MDM1: variants seen among roughly 807,000 people sequenced by gnomAD.
The protein encoded by MDM1 is Mdm1 nuclear protein.
A neutral mutation model predicts 89.1 loss-of-function variants in MDM1; 61 were observed. The observed-to-expected ratio is 0.68, with a 90% CI of 0.56 to 0.85. MDM1 has a LOEUF of 0.85. Among genes scored for constraint, MDM1 ranks in the 40% least tolerant of loss-of-function variants. The probability of loss-of-function intolerance (pLI) is 0.00; values close to 1 mark genes in which losing one functional copy is unlikely to be tolerated. For missense variants in MDM1, 820 were observed against 846.5 expected (o/e 0.97, Z 0.39); for synonymous variants, 290 against 294.1 (o/e 0.99, Z 0.14).
rs531256699 is a variant in MDM1, at chr12:68,309,519, T to G, written c.1749+3924A>C. On this transcript the variant is annotated intron_variant, in intron 12 of 14. Transcript: ENST00000682720. The stretch of plus-strand genomic sequence containing the variant: ...CCAGACTGCAGGTTTCATAAGATTA[T>G]GTACCATGTCTGTTTCTATCCATTA... Among the ~76,000 whole-genome samples, 3 of 152,356 alleles carry G rather than the reference T, an allele frequency of 2.0e-5. No individual in the cohort carries two copies. The East Asian group carries it at 5.8e-4, about 29-fold the overall frequency.
chr12:68,307,472 C>CA (rs1346949466), intron 12 of MDM1, among the ~76,000 whole-genome samples: 6 of 151,982 alleles, frequency 3.9e-5, no homozygotes, highest in Non-Finnish European at 8.8e-5. Context: ...CCCAACTCTA[C>CA]AAAAAATTTT....
At chr12:68,329,834 C>T (rs1350731129) in intron 2 of MDM1, among the ~76,000 whole-genome samples, 1 of 152,190 alleles carries the variant, frequency 6.6e-6, no homozygotes, top group East Asian at 1.9e-4. Context: ...CAGGACTCTG[C>T]CTTCCCTGGG....
intron 7 of MDM1, among the ~76,000 whole-genome samples, chr12:68,318,483 G>C (rs1874788981): frequency 6.6e-6 from 1 of 152,104 alleles, no homozygotes; most frequent in Admixed American, 6.5e-5. Flanking sequence ...TTAAAACTAA[G>C]TGCTTTAAAT....
chr12:68,321,477 C>T (rs1460937464), intron 6 of MDM1, 31 bp from the exon 7 acceptor site: 2 of 1,610,546 alleles, frequency 1.2e-6, no homozygotes, highest in South Asian at 1.1e-5. Flanking sequence ...GTAAATATTT[C>T]ACCATGTTAA....
intron 12 of MDM1, among the ~76,000 whole-genome samples, chr12:68,303,839 A>G (rs1872538254): frequency 6.6e-6 from 1 of 152,250 alleles, no homozygotes; most frequent in African/African-American, 2.4e-5. Context: ...CCTGAACAGT[A>G]CATGTGAGAT....
At chr12:68,300,716 G>A (rs1019306604) in intron 13 of MDM1, among the ~76,000 whole-genome samples, 11 of 152,164 alleles carry the variant, frequency 7.2e-5, no homozygotes, top group Non-Finnish European at 1.5e-4. Flanking sequence ...ATAATAGCGA[G>A]TGACTTCAAT....
chr12:68,314,390 G>A (rs764118526), intron 10 of MDM1, among the ~76,000 whole-genome samples: 11 of 152,084 alleles, frequency 7.2e-5, no homozygotes, highest in Non-Finnish European at 1.0e-4. Context: ...AGTCAGCACC[G>A]GCACAGCAGA....
chr12:68,299,157 A>T (rs1871811074), intron 13 of MDM1, among the ~76,000 whole-genome samples: 1 of 152,186 alleles, frequency 6.6e-6, no homozygotes, highest in South Asian at 2.1e-4. Flanking sequence ...ATCAAAAATA[A>T]ATTTGAGAAC....
chr12:68,327,554 T>C, intron 2 of MDM1: 1 of 1,500,572 alleles, frequency 6.7e-7, no homozygotes. Context: ...ACAGCTAAGA[T>C]ACAATTTCTC....
At chr12:68,306,983 A>G (rs1872978435) in intron 12 of MDM1, among the ~76,000 whole-genome samples, 1 of 152,268 alleles carries the variant, frequency 6.6e-6, no homozygotes, top group Admixed American at 6.5e-5. Context: ...AATGTAGTAC[A>G]TATACACACC....
At chr12:68,304,809 G>C (rs1427654132) in intron 12 of MDM1, among the ~76,000 whole-genome samples, 1 of 152,200 alleles carries the variant, frequency 6.6e-6, no homozygotes, top group South Asian at 2.1e-4. Context: ...CTCCACTGAG[G>C]AGCCACAGTG....
At chr12:68,308,818 A>G (rs1429279601) in intron 12 of MDM1, among the ~76,000 whole-genome samples, 1 of 152,236 alleles carries the variant, frequency 6.6e-6, no homozygotes, top group Non-Finnish European at 1.5e-5. Context: ...TCTCTTGCTC[A>G]GTGCATGGTA....
At chr12:68,315,667 T>G (rs114296876) in intron 9 of MDM1, among the ~76,000 whole-genome samples, 1,838 of 152,266 alleles carry the variant, frequency 0.012, 34 homozygotes, top group African/African-American at 0.041. Context: ...CAGAGCGCTC[T>G]TCCATAAAAT....
intron 10 of MDM1, 152 bp from the exon 11 acceptor site, chr12:68,313,905 G>A (rs2120965271): frequency 3.3e-6 from 2 of 601,948 alleles, no homozygotes; most frequent in Non-Finnish European, 2.9e-6. Context: ...ACTTTGGGAG[G>A]CCGAGGCGGG....
chr12:68,327,607 CT>C, intron 2 of MDM1: 28 of 1,220,050 alleles, frequency 2.3e-5, no homozygotes, highest in Non-Finnish European at 3.2e-5. Flanking sequence ...ACTTAACCTT[CT>C]ATGAAGGTAA....
chr12:68,302,740 T>C lies in MDM1; in HGVS notation c.1882A>G (p.Ile628Val), dbSNP rs1488689297. 6.2e-7 allele frequency: 1 copy of C among 1,613,992 alleles called. No homozygotes were observed. Among genetic ancestry groups the C allele is most frequent in the Non-Finnish European group, 8.5e-7 (1 of 1,180,016 alleles). ...FAEATLPVSK[I>V]PKYPTNPPGQ... ...GGGGGATTTGTTGGGTATTTTGGAA[T>C]TTTTGAAACTGGAAGAGTTGCCTCA... Residue 628 changes from isoleucine (I) to valine (V), a missense_variant, in exon 13 of 15, where the codon ATT becomes GTT. By Grantham distance (29) the Ile-to-Val change is conservative (BLOSUM62 3). Transcript: ENST00000682720.
chr12:68,330,539 A>C (rs1390294227), intron 2 of MDM1, among the ~76,000 whole-genome samples: 4 of 152,138 alleles, frequency 2.6e-5, no homozygotes, highest in African/African-American at 9.7e-5. Context: ...AGCATCAGTA[A>C]ATTTACTTAA....
chr12:68,321,375 G>C lies in MDM1; in HGVS notation c.977C>G (p.Thr326Arg), dbSNP rs1875201997. The C allele has an allele frequency of 1.2e-6, 2 of 1,613,804 alleles. No individual in the cohort carries two copies. The highest frequency in any genetic ancestry group is 8.5e-7 in the Non-Finnish European group (1 of 1,179,886). ...AQYLYKAGAW[T>R]HVKGNMPNQG... is the part of the protein sequence containing the mutation. ...ATTTGGCATGTTTCCCTTTACATGT[G>C]TCCAAGCCCCAGCTTTATATAAATA... Residue 326 changes from threonine (T) to arginine (R), a missense_variant, in exon 7 of 15, where the codon ACA (threonine) becomes AGA (arginine). Transcript: ENST00000682720.
At chr12:68,295,844 C>T (rs984731106) in intron 14 of MDM1, among the ~76,000 whole-genome samples, 2 of 152,142 alleles carry the variant, frequency 1.3e-5, no homozygotes, top group Admixed American at 6.5e-5. Flanking sequence ...TAATATGCTA[C>T]CCTTCCTTAA....
Sources: gnomAD v4.1 joint callset for allele counts (sites outside exome capture counted in the v4.1 genomes callset) on GRCh38, gnomAD v4.1.1 for gene constraint, MANE v1.5 for transcripts, NCBI Gene and HGNC (gene_info 2026-07-23, HGNC 2026-07-21) for gene names.